Variants in TEAD1 observed in about 807,000 individuals in gnomAD.
TEAD1 encodes the protein transcriptional enhancer factor TEF-1.
A neutral mutation model predicts 54.9 loss-of-function variants in TEAD1; 9 were observed. The observed-to-expected ratio is 0.16, with a 90% confidence interval of 0.10 to 0.29. The LOEUF (loss-of-function observed/expected upper bound fraction) is 0.29, where lower values mean the gene tolerates loss of function less well. TEAD1 is among the 10% of genes least tolerant of loss of function. The pLI is 1.00. For missense variants in TEAD1, 387 were observed against 535.9 expected (o/e 0.72, Z 2.74); for synonymous variants, 200 against 187.8 (o/e 1.07, Z -0.53).
chr11:12,888,560 C>A lies in TEAD1; in HGVS notation c.699+5435C>A, dbSNP rs7131402. ...GGTACCACCAAAGCCAAGAGAAGAA[C>A]CTTAGTTTATCTCCTCCTTAGTCTG... On this transcript the variant is annotated intron_variant, in intron 9 of 12. Transcript: ENST00000527636. 3.9e-3 allele frequency among the ~76,000 whole-genome samples: 586 copies of A among 152,198 alleles called. 4 individuals are homozygous for A. Among genetic ancestry groups the A allele is most frequent in the African/African-American group, 0.014 (561 of 41,534 alleles).
intron 2 of TEAD1, among the ~76,000 whole-genome samples, chr11:12,751,335 T>A (rs931213778): frequency 8.0e-5 from 12 of 150,682 alleles, no homozygotes; most frequent in Non-Finnish European, 1.8e-4. Flanking sequence ...GGCCCAAACC[T>A]TAAAGATCTC....
chr11:12,798,776 G>T (rs536616496), intron 3 of TEAD1, among the ~76,000 whole-genome samples: 1 of 152,318 alleles, frequency 6.6e-6, no homozygotes, highest in East Asian at 1.9e-4. Context: ...TGAATGCTGC[G>T]TTTCCATAAA....
chr11:12,849,702 GT>G (rs1947229200), intron 3 of TEAD1, among the ~76,000 whole-genome samples: 1 of 152,186 alleles, frequency 6.6e-6, no homozygotes, highest in South Asian at 2.1e-4. Context: ...GGGACATGCT[GT>G]TTAATGCAAC....
At chr11:12,749,636 A>G (rs1314447643) in intron 2 of TEAD1, among the ~76,000 whole-genome samples, 1 of 152,204 alleles carries the variant, frequency 6.6e-6, no homozygotes, top group African/African-American at 2.4e-5. Flanking sequence ...GCCTGATGTC[A>G]GACATGAGCG....
Position 12,883,065 on chromosome 11 carries a change from A to T in TEAD1, c.639A>T (p.Thr213=). 6.2e-7 allele frequency: 1 copy of T among 1,614,156 alleles called. No individual in the cohort carries two copies. The highest frequency in any genetic ancestry group is 1.1e-5 in the South Asian group (1 of 91,076). ...CCTGGCAAGGTCGCTCCATTGGCAC[A>T]ACCAAGCTTCGCCTGGTGGAATTTT... Residue 213 remains threonine, a synonymous_variant, in exon 9 of 13, where the codon ACA becomes ACT. Coordinates refer to ENST00000527636, the MANE Select transcript of TEAD1 (RefSeq NM_021961.6).
At chr11:12,876,861 C>T (rs1947863092) in intron 5 of TEAD1, among the ~76,000 whole-genome samples, 1 of 152,100 alleles carries the variant, frequency 6.6e-6, no homozygotes, top group African/African-American at 2.4e-5. Flanking sequence ...GCCATGGTTT[C>T]TGTTCATGGG....
intron 3 of TEAD1, among the ~76,000 whole-genome samples, chr11:12,807,891 G>A (rs1029224358): frequency 6.6e-6 from 1 of 152,162 alleles, no homozygotes; most frequent in Non-Finnish European, 1.5e-5. Context: ...TCCATCCTAG[G>A]TAGCAGATGG....
At chr11:12,787,587 A>G (rs1945704986) in intron 3 of TEAD1, among the ~76,000 whole-genome samples, 1 of 152,204 alleles carries the variant, frequency 6.6e-6, no homozygotes, top group Non-Finnish European at 1.5e-5. Context: ...AGAGCTTGAA[A>G]GCATTTCTTT....
intron 9 of TEAD1, among the ~76,000 whole-genome samples, chr11:12,896,948 G>A (rs750646042): frequency 1.1e-4 from 17 of 152,132 alleles, no homozygotes; most frequent in South Asian, 2.1e-4. Flanking sequence ...CTTTTCCATC[G>A]TTGACCTTGA....
chr11:12,723,833 G>A (rs556877302), intron 2 of TEAD1, among the ~76,000 whole-genome samples: 1 of 149,960 alleles, frequency 6.7e-6, no homozygotes, highest in East Asian at 1.9e-4. Context: ...CGAAATCTTA[G>A]AAAGGTGTGT....
At chr11:12,754,183 T>C (rs116715811) in intron 2 of TEAD1, among the ~76,000 whole-genome samples, 2,112 of 152,330 alleles carry the variant, frequency 0.014, 48 homozygotes, top group African/African-American at 0.049. Context: ...GCTTTGATTT[T>C]CTTCCTCAAG....
At chr11:12,757,543 C>T (rs2133916188) in intron 2 of TEAD1, among the ~76,000 whole-genome samples, 1 of 152,284 alleles carries the variant, frequency 6.6e-6, no homozygotes, top group Non-Finnish European at 1.5e-5. Flanking sequence ...GGATCAGCCA[C>T]CCAACTCTTC....
chr11:12,847,871 C>T (rs1178943013), intron 3 of TEAD1, among the ~76,000 whole-genome samples: 3 of 152,128 alleles, frequency 2.0e-5, no homozygotes, highest in Non-Finnish European at 4.4e-5. Flanking sequence ...TGAATCTAAG[C>T]TCAACTGAGG....
chr11:12,708,791 A>G (rs181237187), intron 2 of TEAD1, among the ~76,000 whole-genome samples: 2 of 152,340 alleles, frequency 1.3e-5, no homozygotes, highest in African/African-American at 2.4e-5. Flanking sequence ...GTCAACTTCT[A>G]TGTACTATTA....
intron 3 of TEAD1, among the ~76,000 whole-genome samples, chr11:12,800,942 G>A (rs1409783948): frequency 6.6e-6 from 1 of 152,214 alleles, no homozygotes; most frequent in African/African-American, 2.4e-5. Context: ...ACCATGCCTG[G>A]CACAGAATTG....
intron 9 of TEAD1, among the ~76,000 whole-genome samples, chr11:12,894,103 C>T (rs953601917): frequency 1.3e-5 from 2 of 152,170 alleles, no homozygotes; most frequent in South Asian, 2.1e-4. Context: ...CATTAGCATA[C>T]CTTGACATGA....
chr11:12,796,187 T>TA (rs1461792623), intron 3 of TEAD1, among the ~76,000 whole-genome samples: 21 of 152,180 alleles, frequency 1.4e-4, no homozygotes, highest in Admixed American at 3.9e-4. Flanking sequence ...CTTTACCTCT[T>TA]ACAGATACTA....
chr11:12,867,665 A>G (rs1947647973), intron 5 of TEAD1, among the ~76,000 whole-genome samples: 1 of 152,194 alleles, frequency 6.6e-6, no homozygotes, highest in African/African-American at 2.4e-5. Context: ...CTGGAATCTA[A>G]TAGCACATTT....
chr11:12,775,860 T>C (rs1564935517), intron 3 of TEAD1, among the ~76,000 whole-genome samples: 1 of 152,248 alleles, frequency 6.6e-6, no homozygotes, highest in Non-Finnish European at 1.5e-5. Flanking sequence ...AGTTTATTTT[T>C]TCCTCTGGTT....
Sources: gnomAD v4.1 joint callset for allele counts (sites outside exome capture counted in the v4.1 genomes callset) on GRCh38, gnomAD v4.1.1 for gene constraint, MANE v1.5 for transcripts, NCBI Gene and HGNC (gene_info 2026-07-23, HGNC 2026-07-21) for gene names.